THSD4: variants seen among roughly 807,000 people sequenced by gnomAD.
THSD4 encodes thrombospondin type-1 domain-containing protein 4.
In THSD4, 69 loss-of-function variants were observed where a neutral mutation model predicts 119.0. The observed-to-expected ratio is 0.58, with a 90% CI of 0.48 to 0.71. The LOEUF is 0.71. Among genes scored for constraint, THSD4 ranks in the 30% least tolerant of loss-of-function variants. The probability of loss-of-function intolerance (pLI) is 0.00; values close to 1 mark genes in which losing one functional copy is unlikely to be tolerated. For synonymous variants in THSD4, 524 were observed against 540.4 expected (o/e 0.97, Z 0.42); for missense variants, 1,393 against 1,391.1 (o/e 1.00, Z -0.02).
intron 7 of THSD4, among the ~76,000 whole-genome samples, chr15:71,432,387 A>G (rs535042861): frequency 3.3e-5 from 5 of 152,346 alleles, no homozygotes; most frequent in African/African-American, 1.2e-4. Context: ...CATTTGTTTA[A>G]CCAAAGTGAT....
At chr15:71,619,978 T>G (rs1567066172) in intron 7 of THSD4, among the ~76,000 whole-genome samples, 1 of 152,202 alleles carries the variant, frequency 6.6e-6, no homozygotes, top group Non-Finnish European at 1.5e-5. Flanking sequence ...TACATATAGC[T>G]CTTTAGAAAT....
chr15:71,591,287 C>T (rs561107419), intron 7 of THSD4, among the ~76,000 whole-genome samples: 1 of 152,296 alleles, frequency 6.6e-6, no homozygotes, highest in African/African-American at 2.4e-5. Context: ...AATTGGCTGT[C>T]CATGGCTTTT....
rs561794365 is a variant in THSD4 at position 71,753,241 on chromosome 15, C to G, written c.2415+4647C>G. On this transcript the variant is annotated intron_variant, in intron 14 of 17. Coordinates refer to ENST00000261862, the MANE Select transcript of THSD4 (RefSeq NM_024817.3). ...TCAGCTGCTTGTACTTGAGAGTGGG[C>G]CTTATCAGAAGTAAGCATCGTTGAC... 1.0e-3 allele frequency among the ~76,000 whole-genome samples: 158 copies of G among 152,236 alleles called. 1 individual carries two copies. Among genetic ancestry groups the G allele is most frequent in the African/African-American group, 3.5e-3 (145 of 41,542 alleles).
intron 7 of THSD4, among the ~76,000 whole-genome samples, chr15:71,525,363 A>G (rs1168834585): frequency 6.6e-6 from 1 of 152,138 alleles, no homozygotes; most frequent in Non-Finnish European, 1.5e-5. Context: ...TAACCACTGA[A>G]CTGCAGATTT....
chr15:71,561,582 T>C (rs995536093), intron 7 of THSD4, among the ~76,000 whole-genome samples: 2 of 152,068 alleles, frequency 1.3e-5, no homozygotes, highest in Non-Finnish European at 2.9e-5. Context: ...AAACATGGGA[T>C]CCTAGAGAGG....
chr15:71,218,024 G>A (rs1443040886), intron 4 of THSD4, among the ~76,000 whole-genome samples: 7 of 151,656 alleles, frequency 4.6e-5, no homozygotes, highest in Admixed American at 3.9e-4. Context: ...TGCCCGCTTC[G>A]GCCTCCCAAA....
intron 6 of THSD4, among the ~76,000 whole-genome samples, chr15:71,371,558 G>C (rs552245165): frequency 5.1e-4 from 77 of 152,178 alleles, no homozygotes; most frequent in Non-Finnish European, 9.7e-4. Flanking sequence ...GGCTGGATAT[G>C]AAATTCTAGG....
At chr15:71,211,913 A>T (rs546571210) in intron 3 of THSD4, among the ~76,000 whole-genome samples, 89 of 152,316 alleles carry the variant, frequency 5.8e-4, no homozygotes, top group African/African-American at 2.1e-3. Context: ...CCTGTCACTA[A>T]CAGAGGTCCT....
intron 6 of THSD4, among the ~76,000 whole-genome samples, chr15:71,285,627 G>A (rs553583957): frequency 5.3e-5 from 8 of 152,164 alleles, no homozygotes; most frequent in South Asian, 2.1e-4. Flanking sequence ...AGGCCAAGGT[G>A]GGTGGATCAC....
At chr15:71,191,187 C>T (rs2043668854) in intron 3 of THSD4, among the ~76,000 whole-genome samples, 1 of 152,142 alleles carries the variant, frequency 6.6e-6, no homozygotes, top group African/African-American at 2.4e-5. Context: ...TCCCATAGCA[C>T]TTTTCTACAC....
intron 7 of THSD4, among the ~76,000 whole-genome samples, chr15:71,438,670 T>C (rs1006677386): frequency 2.0e-5 from 3 of 149,682 alleles, no homozygotes; most frequent in African/African-American, 7.6e-5. Flanking sequence ...TTATTACTTG[T>C]GTATATTTTT....
intron 6 of THSD4, among the ~76,000 whole-genome samples, chr15:71,264,338 G>A (rs1455071573): frequency 6.6e-6 from 1 of 152,188 alleles, no homozygotes; most frequent in Admixed American, 6.5e-5. Flanking sequence ...ATGAGAGGCG[G>A]TTTCTATTTC....
chr15:71,329,596 T>A (rs2045395679), intron 6 of THSD4, among the ~76,000 whole-genome samples: 2 of 152,204 alleles, frequency 1.3e-5, no homozygotes, highest in Non-Finnish European at 2.9e-5. Flanking sequence ...CTGTGAGATG[T>A]CATGTCTCAG....
chr15:71,263,332 T>TATATATATAC (rs1491199801), intron 6 of THSD4, among the ~76,000 whole-genome samples: 1 of 820 alleles, frequency 1.2e-3, no homozygotes, highest in African/African-American at 3.6e-3. Flanking sequence ...TATTCCATGG[T>TATATATATAC]ATATATATAT....
At chr15:71,337,315 TAGAGCCAGGCCCAATGCCCTTGTG>T (rs2045501369) in intron 6 of THSD4, among the ~76,000 whole-genome samples, 6 of 152,002 alleles carry the variant, frequency 3.9e-5, no homozygotes, top group Admixed American at 2.6e-4. Flanking sequence ...GGACCGAGGG[TAGAGCCAGGCCCAATGCCCTTGTG>T]GGAGCCAGGA....
chr15:71,757,824 C>G (rs2625533), intron 14 of THSD4, 78 bp from the exon 15 acceptor site: 1,404,061 of 1,574,354 alleles, frequency 0.89, 639,665 homozygotes, highest in Non-Finnish European at 0.94. Context: ...AGCATTCCAT[C>G]CTCCTTTCCA....
chr15:71,346,466 G>A (rs878899569), intron 6 of THSD4, among the ~76,000 whole-genome samples: 2 of 152,126 alleles, frequency 1.3e-5, no homozygotes, highest in Admixed American at 6.5e-5. Context: ...TAATTGCCCC[G>A]TATTTGGCTA....
At chr15:71,687,755 CA>C (rs371746249) in intron 8 of THSD4, among the ~76,000 whole-genome samples, 13 of 55,078 alleles carry the variant, frequency 2.4e-4, no homozygotes, top group African/African-American at 6.6e-4. Context: ...AACTCTGTCT[CA>C]AAAAAAAAAA....
At chr15:71,596,840 T>A (rs1331008780) in intron 7 of THSD4, among the ~76,000 whole-genome samples, 1 of 152,052 alleles carries the variant, frequency 6.6e-6, no homozygotes, top group East Asian at 1.9e-4. Context: ...GTGGCAATGG[T>A]TTGTCGGGCC....
Sources: gnomAD v4.1 joint callset for allele counts (sites outside exome capture counted in the v4.1 genomes callset) on GRCh38, gnomAD v4.1.1 for gene constraint, MANE v1.5 for transcripts, NCBI Gene and HGNC (gene_info 2026-07-23, HGNC 2026-07-21) for gene names.